PTPRD: variants seen among roughly 807,000 people sequenced by gnomAD.
PTPRD encodes the protein protein tyrosine phosphatase receptor type D, also known as receptor-type tyrosine-protein phosphatase delta.
Under a neutral mutation model 214.5 loss-of-function variants are expected in PTPRD, and 34 were observed. That is an observed-to-expected ratio of 0.16 (90% CI 0.12 to 0.21). The LOEUF (loss-of-function observed/expected upper bound fraction) is 0.21. Among genes scored for constraint, PTPRD ranks in the 10% least tolerant of loss-of-function variants. PTPRD has a pLI of 1.00. For synonymous variants in PTPRD, 1,128 were observed against 845.7 expected (o/e 1.33, Z -5.79); for missense variants, 2,545 against 2,398.7 (o/e 1.06, Z -1.27).
intron 35 of PTPRD, among the ~76,000 whole-genome samples, chr9:8,431,098 A>T (rs1417914060): frequency 1.3e-5 from 2 of 152,132 alleles, no homozygotes; most frequent in African/African-American, 2.4e-5. Context: ...CCCATCTAAG[A>T]TCTGTATGAG....
Position 8,562,465 on chromosome 9 carries a change from C to G in PTPRD, c.353-33686G>C, listed in dbSNP as rs1487411447. Among the ~76,000 whole-genome samples the G allele has an allele frequency of 2.6e-5, 4 of 151,566 alleles. No homozygotes were observed. In the East Asian group the frequency reaches 7.8e-4, roughly 29 times the overall value. ...TTATTTTATTTTTTTGAGACAAGGT[C>G]TCATTTTGTCATGCAGGCTGGTGTG... On this transcript the variant is annotated intron_variant, in intron 14 of 45. Transcript: ENST00000381196.
At chr9:8,395,471 A>G (rs886637849) in intron 36 of PTPRD, among the ~76,000 whole-genome samples, 1 of 151,832 alleles carries the variant, frequency 6.6e-6, no homozygotes, top group African/African-American at 2.4e-5. Flanking sequence ...CACCTGTTCA[A>G]TGACAGCCAC....
chr9:8,697,341 C>A (rs2097937834), intron 12 of PTPRD, among the ~76,000 whole-genome samples: 1 of 139,392 alleles, frequency 7.2e-6, no homozygotes, highest in South Asian at 2.3e-4. Flanking sequence ...TTAAAGCATT[C>A]TTTTCCTGGT....
intron 7 of PTPRD, among the ~76,000 whole-genome samples, chr9:9,670,593 G>T (rs557537934): frequency 6.6e-5 from 10 of 152,300 alleles, no homozygotes; most frequent in African/African-American, 1.2e-4. Context: ...AGGAGAAAAT[G>T]GTTCTGTGGG....
Position 9,691,457 on chromosome 9 carries a change from G to T in PTPRD, c.-287+43076C>A, listed in dbSNP as rs577846369. On this transcript the variant is annotated intron_variant, in intron 7 of 45. Transcript: ENST00000381196. ...CAGTTCTATCCATGTTGTTGCAAATGACAGAATCTCATTCTTTTTATGGCT... is the reference window on the plus strand; with the variant it reads ...CAGTTCTATCCATGTTGTTGCAAATTACAGAATCTCATTCTTTTTATGGCT... 9.2e-5 allele frequency among the ~76,000 whole-genome samples: 14 copies of T among 152,124 alleles called. No homozygotes were observed. In the East Asian group the frequency reaches 1.9e-3, roughly 21 times the overall value.
intron 11 of PTPRD, among the ~76,000 whole-genome samples, chr9:8,833,947 T>C (rs544654270): frequency 1.3e-4 from 17 of 127,246 alleles, no homozygotes; most frequent in Admixed American, 4.2e-4. Flanking sequence ...AAGAAGTTAC[T>C]TCAGATTTTT....
At chr9:10,073,460 G>C (rs12335572) in intron 3 of PTPRD, among the ~76,000 whole-genome samples, 2 of 151,990 alleles carry the variant, frequency 1.3e-5, no homozygotes. Context: ...AATGAAAAAC[G>C]GTATTCTGGA....
At chr9:8,682,010 T>C (rs2097560317) in intron 12 of PTPRD, among the ~76,000 whole-genome samples, 1 of 152,192 alleles carries the variant, frequency 6.6e-6, no homozygotes, top group South Asian at 2.1e-4. Context: ...TGCAAGGATT[T>C]TTTTTAAACC....
In PTPRD at chr9:9,811,313, G is replaced by A. The variant is rs56985058; in HGVS notation, c.-367-44462C>T. ...AAGAAACTACAGATGTGGTAGAAAT[G>A]CAAGAGAACTAGAACTACAAGTGGA... On this transcript the variant is annotated intron_variant, in intron 5 of 45. Coordinates refer to ENST00000381196, the MANE Select transcript of PTPRD (RefSeq NM_002839.4). Among the ~76,000 whole-genome samples the A allele has an allele frequency of 8.2e-3, 1,242 of 152,298 alleles. 17 individuals carry two copies. Among genetic ancestry groups the A allele is most frequent in the African/African-American group, 0.028 (1,175 of 41,570 alleles).
intron 3 of PTPRD, among the ~76,000 whole-genome samples, chr9:10,138,396 T>C (rs754326352): frequency 6.6e-6 from 1 of 151,662 alleles, no homozygotes; most frequent in Non-Finnish European, 1.5e-5. Flanking sequence ...CAGTAATAAA[T>C]ACTCTAGCAA....
At chr9:10,079,779 C>G (rs1213655983) in intron 3 of PTPRD, among the ~76,000 whole-genome samples, 1 of 152,036 alleles carries the variant, frequency 6.6e-6, no homozygotes, top group Admixed American at 6.6e-5. Context: ...GTATACTCAG[C>G]AAATGCAAAG....
At chr9:9,356,861 T>C (rs898685808) in intron 9 of PTPRD, among the ~76,000 whole-genome samples, 1 of 151,400 alleles carries the variant, frequency 6.6e-6, no homozygotes, top group Non-Finnish European at 1.5e-5. Context: ...GAATTTCTGC[T>C]TTGTATAAGA....
intron 3 of PTPRD, among the ~76,000 whole-genome samples, chr9:10,314,694 G>A (rs1005699226): frequency 2.6e-5 from 4 of 151,868 alleles, no homozygotes; most frequent in Non-Finnish European, 4.4e-5. Flanking sequence ...AAATAATCAT[G>A]AGTATACATC....
At chr9:8,847,220 A>G (rs2097715145) in intron 11 of PTPRD, among the ~76,000 whole-genome samples, 1 of 152,156 alleles carries the variant, frequency 6.6e-6, no homozygotes, top group South Asian at 2.1e-4. Context: ...GAGTCTGTTA[A>G]ATAGTAAAAG....
intron 3 of PTPRD, among the ~76,000 whole-genome samples, chr9:10,180,237 G>C (rs891408972): frequency 5.3e-5 from 8 of 152,006 alleles, no homozygotes; most frequent in Admixed American, 5.2e-4. Flanking sequence ...GGAAATTCAA[G>C]GCAACAGGAA....
At chr9:9,508,157 T>C (rs554591650) in intron 8 of PTPRD, among the ~76,000 whole-genome samples, 68 of 151,676 alleles carry the variant, frequency 4.5e-4, no homozygotes, top group Non-Finnish European at 7.7e-4. Context: ...ACAAGTAAAG[T>C]ACACATACAA....
chr9:10,351,883 G>GAGAT (rs1462744967), intron 2 of PTPRD, among the ~76,000 whole-genome samples: 1 of 151,972 alleles, frequency 6.6e-6, no homozygotes, highest in Non-Finnish European at 1.5e-5. Flanking sequence ...GTCACAAATG[G>GAGAT]AGATGGGCAT....
intron 3 of PTPRD, among the ~76,000 whole-genome samples, chr9:10,122,177 G>T (rs2098781226): frequency 6.6e-6 from 1 of 152,008 alleles, no homozygotes; most frequent in African/African-American, 2.4e-5. Context: ...GCATGGTGGT[G>T]CTTGCCTGTA....
chr9:9,703,345 G>A (rs2097537956), intron 7 of PTPRD, among the ~76,000 whole-genome samples: 1 of 152,022 alleles, frequency 6.6e-6, no homozygotes, highest in South Asian at 2.1e-4. Context: ...GTGTGAAAAT[G>A]GACTAATACA....
Sources: allele counts gnomAD v4.1 joint callset (sites outside exome capture counted in the v4.1 genomes callset), GRCh38; gene constraint gnomAD v4.1.1; transcripts MANE v1.5; gene names NCBI Gene and HGNC (gene_info 2026-07-23, HGNC 2026-07-21).